The following HPSE2 variants were observed in gnomAD, a reference collection of about 807,000 sequenced individuals.
HPSE2 encodes the protein heparanase 2 (inactive), also known as inactive heparanase-2.
HPSE2 carries 38 observed loss-of-function variants against 60.5 expected under a neutral mutation model. The ratio of observed to expected loss-of-function variants is 0.63; its 90% CI spans 0.48 to 0.82. The LOEUF (loss-of-function observed/expected upper bound fraction) is 0.82, where lower values mean the gene tolerates loss of function less well. Among genes scored for constraint, HPSE2 ranks in the 40% least tolerant of loss-of-function variants. HPSE2 has a pLI of 0.00. For synonymous variants in HPSE2, 295 were observed against 293.2 expected (o/e 1.01, Z -0.06); for missense variants, 713 against 740.4 (o/e 0.96, Z 0.43).
the HPSE2 span, among the ~76,000 whole-genome samples, chr10:99,293,425 T>C: frequency 6.6e-6 from 1 of 152,218 alleles, no homozygotes; most frequent in East Asian, 1.9e-4. Context: ...GCCTTTGTCA[T>C]ATAAAAATAA....
intron 9 of HPSE2, among the ~76,000 whole-genome samples, chr10:98,586,542 T>C (rs912417962): frequency 1.8e-4 from 28 of 152,328 alleles, no homozygotes; most frequent in Middle Eastern, 6.8e-3. Context: ...AGCATTACTT[T>C]CCATAATTAG....
intron 3 of HPSE2, among the ~76,000 whole-genome samples, chr10:98,776,143 G>T (rs761551247): frequency 1.3e-4 from 19 of 151,892 alleles, no homozygotes; most frequent in Non-Finnish European, 1.8e-4. Context: ...TTTCTAAACA[G>T]CATATCTGGC....
Position 98,631,937 on chromosome 10 carries a change from T to G in HPSE2, c.1098+9910A>C, listed in dbSNP as rs115695821. Among the ~76,000 whole-genome samples, 1,375 of 152,336 alleles carry G rather than the reference T, an allele frequency of 9.0e-3. 18 individuals carry two copies. Among genetic ancestry groups the G allele is most frequent in the African/African-American group, 0.03 (1,267 of 41,574 alleles). ...TCACTTCCAGGACACCCACCCTAGA[T>G]TATTAACTGACTGTGGGGTCAAATT... On this transcript the variant is annotated intron_variant, in intron 7 of 11. Coordinates refer to ENST00000370552, the MANE Select transcript of HPSE2 (RefSeq NM_021828.5).
At chr10:98,757,105 G>GA (rs1949896130) in intron 3 of HPSE2, among the ~76,000 whole-genome samples, 1 of 152,086 alleles carries the variant, frequency 6.6e-6, no homozygotes, top group African/African-American at 2.4e-5. Context: ...AATAGACACA[G>GA]AAAAGGCTTT....
chr10:99,311,264 G>A, the HPSE2 span, among the ~76,000 whole-genome samples: 1 of 152,012 alleles, frequency 6.6e-6, no homozygotes, highest in Non-Finnish European at 1.5e-5. Flanking sequence ...AATTTTATTG[G>A]CAATGTGTAG....
intron 9 of HPSE2, among the ~76,000 whole-genome samples, chr10:98,512,658 T>G (rs1392150298): frequency 6.6e-6 from 1 of 152,090 alleles, no homozygotes; most frequent in Non-Finnish European, 1.5e-5. Flanking sequence ...CTTTTTAATA[T>G]GAATTGTCTC....
chr10:98,517,206 G>A (rs1241360108), intron 9 of HPSE2, among the ~76,000 whole-genome samples: 1 of 148,734 alleles, frequency 6.7e-6, no homozygotes, highest in African/African-American at 2.5e-5. Flanking sequence ...GGGTGGGGGG[G>A]GCGAGGCGAG....
chr10:98,879,592 T>C (rs922968969), intron 3 of HPSE2, among the ~76,000 whole-genome samples: 7 of 151,944 alleles, frequency 4.6e-5, no homozygotes, highest in Non-Finnish European at 7.4e-5. Flanking sequence ...ATGATGTGTA[T>C]CCTGGCAAAA....
In HPSE2 at chr10:98,482,629, C is replaced by T. The variant is rs367950532; in HGVS notation, c.1613+7G>A. The T allele has an allele frequency of 9.9e-6, 16 of 1,614,006 alleles. No homozygotes were observed. The highest frequency in any genetic ancestry group is 1.3e-5 in the Non-Finnish European group (15 of 1,180,028). On this transcript the variant is annotated splice_region_variant and intron_variant, in intron 11 of 11. Coordinates refer to ENST00000370552, the MANE Select transcript of HPSE2 (RefSeq NM_021828.5). Reference sequence around the variant, plus strand: ...TGCTCCCGAGCTATTTTCAGGTTGGCACGTACTTGGACTTTAGGCCCTCCT... The same window carrying T: ...TGCTCCCGAGCTATTTTCAGGTTGGTACGTACTTGGACTTTAGGCCCTCCT...
At chr10:98,797,792 C>A (rs11594450) in intron 3 of HPSE2, among the ~76,000 whole-genome samples, 1 of 151,654 alleles carries the variant, frequency 6.6e-6, no homozygotes, top group South Asian at 2.1e-4. Context: ...TGCGGTGAGC[C>A]GAGATCACGC....
chr10:98,690,558 T>A (rs900821763), intron 6 of HPSE2, among the ~76,000 whole-genome samples: 2 of 151,894 alleles, frequency 1.3e-5, no homozygotes, highest in Admixed American at 6.6e-5. Context: ...TAAATAAAAA[T>A]AATAATAATA....
intron 3 of HPSE2, among the ~76,000 whole-genome samples, chr10:98,871,103 AC>A (rs538277581): frequency 6.6e-6 from 1 of 152,036 alleles, no homozygotes; most frequent in Non-Finnish European, 1.5e-5. Context: ...AGCCTGCAGA[AC>A]CAAGAGCCAA....
intron 3 of HPSE2, among the ~76,000 whole-genome samples, chr10:98,983,429 G>A (rs1440528698): frequency 1.3e-5 from 2 of 152,146 alleles, no homozygotes; most frequent in African/African-American, 4.8e-5. Flanking sequence ...ATGGAAGCAG[G>A]CTTTTCAGTG....
chr10:99,139,960 T>C (rs1046952498), intron 3 of HPSE2, among the ~76,000 whole-genome samples: 2 of 152,214 alleles, frequency 1.3e-5, no homozygotes, highest in Admixed American at 6.5e-5. Flanking sequence ...CAAAGTAAAA[T>C]AATGGTGATA....
intron 3 of HPSE2, among the ~76,000 whole-genome samples, chr10:98,881,617 T>C (rs1316720799): frequency 6.6e-6 from 1 of 152,090 alleles, no homozygotes; most frequent in Non-Finnish European, 1.5e-5. Flanking sequence ...GAATGAGAAC[T>C]GTGATAATTC....
intron 1 of HPSE2, among the ~76,000 whole-genome samples, chr10:99,233,763 C>T (rs1472831557): frequency 5.9e-5 from 9 of 152,112 alleles, no homozygotes; most frequent in African/African-American, 1.9e-4. Context: ...CAGAAGTCTC[C>T]GGGACCGCAC....
chr10:98,895,256 A>G (rs1469567540), intron 3 of HPSE2, among the ~76,000 whole-genome samples: 3 of 152,200 alleles, frequency 2.0e-5, no homozygotes, highest in African/African-American at 4.8e-5. Context: ...AGAAAAAAAT[A>G]GCATATAGAA....
chr10:99,161,260 G>A (rs1000100768), intron 2 of HPSE2, among the ~76,000 whole-genome samples: 3 of 150,472 alleles, frequency 2.0e-5, no homozygotes, highest in Non-Finnish European at 3.0e-5. Context: ...ATTTATAGTA[G>A]CATTATGCAT....
intron 3 of HPSE2, among the ~76,000 whole-genome samples, chr10:98,947,513 C>G (rs1218736091): frequency 6.6e-6 from 1 of 152,074 alleles, no homozygotes; most frequent in African/African-American, 2.4e-5. Flanking sequence ...CGGATAAATT[C>G]CCAGGCACCA....
Sources: gnomAD v4.1 joint callset for allele counts (sites outside exome capture counted in the v4.1 genomes callset) on GRCh38, gnomAD v4.1.1 for gene constraint, MANE v1.5 for transcripts, NCBI Gene and HGNC (gene_info 2026-07-23, HGNC 2026-07-21) for gene names.